TUBGCP3: variants seen among roughly 807,000 people sequenced by gnomAD.
TUBGCP3 encodes gamma-tubulin complex component 3.
TUBGCP3 carries 50 observed loss-of-function variants against 123.1 expected under a neutral mutation model. That is an observed-to-expected ratio of 0.41 (90% confidence interval 0.32 to 0.51). The LOEUF (loss-of-function observed/expected upper bound fraction) is 0.51, where lower values mean the gene tolerates loss of function less well. Ranked by LOEUF, TUBGCP3 falls within the 20% of genes least tolerant of loss-of-function variation. The pLI is 0.36. For synonymous variants in TUBGCP3, 405 were observed against 413.9 expected, an observed-to-expected ratio of 0.98 and a Z score of 0.26; for missense variants, 882 against 1,127.0, an observed-to-expected ratio of 0.78 and a Z score of 3.11.
chr13:112,553,958 A>G, intron 8 of TUBGCP3, 99 bp downstream of exon 8: 1 of 1,524,154 alleles, frequency 6.6e-7, no homozygotes, highest in Non-Finnish European at 8.8e-7. Context: ...TTTACTTGGA[A>G]AGAGCCTTAG....
In TUBGCP3 at chr13:112,518,990, G is replaced by A. The variant is rs140123812; in HGVS notation, c.1935C>T (p.Asp645=). ...ATAATCTTACAGTTGCAATTGGTCCGTCAACATGATAATCGAGGCTGAAGA... is the reference window on the plus strand; with the variant it reads ...ATAATCTTACAGTTGCAATTGGTCCATCAACATGATAATCGAGGCTGAAGA... ...WDVFSLDYHV[D]GPIATVFTRE... Residue 645 remains aspartate (D), a synonymous_variant, in exon 16 of 22, where the codon GAC becomes GAT. Transcript: ENST00000261965. 465 of 1,613,408 alleles carry A rather than the reference G, an allele frequency of 2.9e-4. No individual in the cohort carries two copies. Among genetic ancestry groups the A allele is most frequent in the Non-Finnish European group, 3.1e-4 (368 of 1,179,478 alleles).
chr13:112,586,384 A>T (rs749309653), intron 1 of TUBGCP3, among the ~76,000 whole-genome samples: 1 of 152,238 alleles, frequency 6.6e-6, no homozygotes, highest in Non-Finnish European at 1.5e-5. Flanking sequence ...GGTATAAGGA[A>T]AACACTGACA....
intron 11 of TUBGCP3, chr13:112,544,898 T>C (rs1384108405): frequency 2.0e-5 from 3 of 152,238 alleles, no homozygotes; most frequent in African/African-American, 7.2e-5. Flanking sequence ...TCACGCTTGC[T>C]TATTTGCAAT....
Position 112,527,262 on chromosome 13 carries a change from C to G in TUBGCP3, c.1446+112G>C, listed in dbSNP as rs145070693. Reference sequence around the variant, plus strand: ...ACATGCACTTACTTCATCTCCAGAACGTTAACAATCTCAAAACGCATGAAA... The same window carrying G: ...ACATGCACTTACTTCATCTCCAGAAGGTTAACAATCTCAAAACGCATGAAA... On this transcript the variant is annotated intron_variant, in intron 12 of 21. Transcript: ENST00000261965. 83 of 832,968 alleles carry G rather than the reference C, an allele frequency of 1.0e-4. 2 individuals are homozygous for G. The South Asian group carries it at 1.2e-3, about 12-fold the overall frequency. 51.6% of individuals were successfully genotyped at this position (832,968 alleles called of 1,614,324 possible).
In TUBGCP3 at chr13:112,486,070, T is replaced by G; in HGVS notation, c.2647A>C (p.Asn883His). 6.2e-7 allele frequency: 1 copy of G among 1,610,656 alleles called. No homozygotes were observed. Among genetic ancestry groups the G allele is most frequent in the Non-Finnish European group, 8.5e-7 (1 of 1,177,274 alleles). ...GGCTCCCTGGCTTTGTAATGCTCGT[T>G]GAAGTCCAGCCTGAAGCTAAGAAAC... ...LRFLSFRLDF[N>H]EHYKAREPRL... The change falls in exon 22 of 22, where the codon AAC becomes CAC. Residue 883 changes from asparagine (N) to histidine (H), a missense_variant. This residue lies in a region of TUBGCP3 where 160 missense variants were observed against 220.3 expected (regional missense o/e 0.73). Transcript: ENST00000261965.
At chr13:112,573,065 A>G (rs879852692) in intron 1 of TUBGCP3, among the ~76,000 whole-genome samples, 1 of 151,954 alleles carries the variant, frequency 6.6e-6, no homozygotes, top group Non-Finnish European at 1.5e-5. Flanking sequence ...ACCTGAGGGC[A>G]TCATCTAAAA....
chr13:112,547,592 A>ACGCG (rs1566567670), intron 10 of TUBGCP3, 28 bp downstream of exon 10: 4 of 1,453,964 alleles, frequency 2.8e-6, no homozygotes, highest in Admixed American at 5.0e-5. Context: ...CGTGGGAAAG[A>ACGCG]CGTGCGTGGG....
chr13:112,572,948 G>A (rs752635741), intron 1 of TUBGCP3, among the ~76,000 whole-genome samples: 25 of 151,970 alleles, frequency 1.6e-4, no homozygotes, highest in Non-Finnish European at 2.9e-4. Flanking sequence ...ATAAGATGAC[G>A]TGTGCCTGTC....
intron 21 of TUBGCP3, among the ~76,000 whole-genome samples, chr13:112,488,395 G>A (rs1390180538): frequency 5.9e-5 from 9 of 152,212 alleles, no homozygotes; most frequent in Admixed American, 5.9e-4. Flanking sequence ...ACCCATACAT[G>A]GAGGCAAAAG....
Position 112,556,215 on chromosome 13 carries a change from A to C in TUBGCP3, c.558T>G (p.Asn186Lys). The change falls in exon 6 of 22, where the codon AAT becomes AAG. Residue 186 changes from asparagine to lysine, a missense_variant. Coordinates refer to ENST00000261965, the MANE Select transcript of TUBGCP3 (RefSeq NM_006322.6). The part of the protein sequence containing the change: ...APQSLLPGQS[N>K]QAPGVGDCLR... ...GGCAATCTCCTACTCCTGGAGCTTG[A>C]TTAGACTGTCTAAAAAAAGAAACAT... 10 of 1,612,894 alleles carry C rather than the reference A, an allele frequency of 6.2e-6. No individual in the cohort carries two copies. Among genetic ancestry groups the C allele is most frequent in the Non-Finnish European group, 8.5e-6 (10 of 1,178,944 alleles).
rs559361002 is a variant in TUBGCP3, at chr13:112,547,999, T to C, written c.1035+109A>G. 2.5e-5 allele frequency: 23 copies of C among 908,028 alleles called. No individual in the cohort carries two copies. In the African/African-American group the frequency reaches 3.3e-4, roughly 13 times the overall value. The allele number at this position is 908,028 out of a possible 1,614,324, so 56.2% of individuals were successfully genotyped here. On this transcript the variant is annotated intron_variant, in intron 9 of 21. Transcript: ENST00000261965. ...CTTACAAATAATATTATGAAAAATA[T>C]TGCTGTATTTTAAAAGTAATGTATG...
Position 112,485,764 on chromosome 13 carries a change from T to G in TUBGCP3, c.*229A>C. 1 of 507,130 alleles carries G rather than the reference T, an allele frequency of 2.0e-6. No individual in the cohort carries two copies. The highest frequency in any genetic ancestry group is 3.5e-5 in the South Asian group (1 of 28,664). The allele number at this position is 507,130 out of a possible 1,614,324, so 31.4% of individuals were successfully genotyped here. On this transcript the variant is annotated 3_prime_UTR_variant, in exon 22 of 22. Transcript: ENST00000261965. ...CGATGAAGACTTTTAGAGACAAATG[T>G]GAACAGTGCAGCCAGCCTACTTGAC...
the TUBGCP3 span, among the ~76,000 whole-genome samples, chr13:112,602,673 T>C: frequency 6.6e-6 from 1 of 152,216 alleles, no homozygotes; most frequent in Non-Finnish European, 1.5e-5. Context: ...CACAAAACAA[T>C]TGAGTGGGCT....
intron 11 of TUBGCP3, among the ~76,000 whole-genome samples, chr13:112,538,326 C>T (rs776644218): frequency 2.0e-5 from 3 of 152,178 alleles, no homozygotes; most frequent in Admixed American, 1.3e-4. Flanking sequence ...CCAAAACTTC[C>T]GGTCCCAAGC....
At chr13:112,593,736 G>A in the TUBGCP3 span, among the ~76,000 whole-genome samples, 1 of 151,916 alleles carries the variant, frequency 6.6e-6, no homozygotes, top group Non-Finnish European at 1.5e-5. Flanking sequence ...AGACAAATAC[G>A]GAAAACAGAA....
intron 17 of TUBGCP3, among the ~76,000 whole-genome samples, chr13:112,509,100 A>G (rs867828700): frequency 5.9e-5 from 9 of 152,204 alleles, no homozygotes; most frequent in Admixed American, 1.3e-4. Context: ...GCTTAGCTGA[A>G]CATGCTGCTC....
intron 18 of TUBGCP3, 73 bp downstream of exon 18, chr13:112,504,537 CATACATACACATATAT>C: frequency 1.1e-6 from 1 of 893,352 alleles, no homozygotes; most frequent in Non-Finnish European, 1.7e-6. Context: ...TATATACACA[CATACATACACATATAT>C]ATATATATAT....
At chr13:112,520,667 C>T (rs1042790645) in intron 14 of TUBGCP3, among the ~76,000 whole-genome samples, 13 of 152,070 alleles carry the variant, frequency 8.5e-5, no homozygotes, top group African/African-American at 3.1e-4. Flanking sequence ...CCTTTTAGAC[C>T]CAATGGGAAG....
At position 112,524,094 on chromosome 13, in the gene TUBGCP3, A is replaced by C. The variant is rs1275283764; in HGVS notation, c.1556-1585T>G. ...GCATCTGCAGGGGACCAATCCCACG[A>C]CCCCCACAGACACCAAAATTCCCTG... is the stretch of plus-strand genomic sequence containing the variant. On this transcript the variant is annotated intron_variant, in intron 13 of 21. Transcript: ENST00000261965. This position sits in a 1 kb window ranked among gnomAD's most constrained non-coding sequence, Gnocchi z 4.4. Among the ~76,000 whole-genome samples, 1 of 151,788 alleles carries C rather than the reference A, an allele frequency of 6.6e-6. No individual in the cohort carries two copies. Among genetic ancestry groups the C allele is most frequent in the Non-Finnish European group, 1.5e-5 (1 of 67,964 alleles).
Sources: gnomAD v4.1 joint callset for allele counts (sites outside exome capture counted in the v4.1 genomes callset) on GRCh38, gnomAD v4.1.1 for gene constraint, gnomAD v4.1.1 regional missense constraint, Gnocchi (gnomAD v3.1) non-coding constraint, MANE v1.5 for transcripts, NCBI Gene and HGNC (gene_info 2026-07-23, HGNC 2026-07-21) for gene names.